Variants in TENM2 observed in about 807,000 individuals in gnomAD.
TENM2 encodes teneurin transmembrane protein 2.
TENM2 carries 52 observed loss-of-function variants against 245.2 expected under a neutral mutation model. The ratio of observed to expected loss-of-function variants is 0.21; its 90% CI spans 0.17 to 0.27. The LOEUF is 0.27. Among genes scored for constraint, TENM2 ranks in the 10% least tolerant of loss-of-function variants. The pLI is 1.00. For missense variants in TENM2, 3,046 were observed against 3,666.8 expected (o/e 0.83, Z 4.37); for synonymous variants, 1,363 against 1,438.9 (o/e 0.95, Z 1.19).
intron 2 of TENM2, among the ~76,000 whole-genome samples, chr5:167,717,424 T>C (rs2150505807): frequency 6.6e-6 from 1 of 152,310 alleles, no homozygotes; most frequent in East Asian, 1.9e-4. Context: ...GTTGGACATG[T>C]TCTCAAGTAT....
chr5:167,353,259 G>C (rs1014688525), intron 1 of TENM2, among the ~76,000 whole-genome samples: 1 of 149,212 alleles, frequency 6.7e-6, no homozygotes, highest in Non-Finnish European at 1.5e-5. Flanking sequence ...CTATAAAAAA[G>C]GGATAAATGG....
chr5:168,248,314 A>G, exon 27 of TENM2: 1 of 1,614,018 alleles, frequency 6.2e-7, no homozygotes, highest in Non-Finnish European at 8.5e-7. Context: ...TAACCTGTAT[A>G]TGTTCAAGAG....
intron 23 of TENM2, among the ~76,000 whole-genome samples, chr5:168,223,225 C>T (rs1317420167): frequency 6.6e-6 from 1 of 152,182 alleles, no homozygotes; most frequent in Admixed American, 6.5e-5. Context: ...ATTCCTACTA[C>T]TTCTCTCATA....
chr5:167,639,363 T>C (rs1779413359), intron 2 of TENM2, among the ~76,000 whole-genome samples: 1 of 152,176 alleles, frequency 6.6e-6, no homozygotes, highest in South Asian at 2.1e-4. Flanking sequence ...TCAATACCCA[T>C]GAAGCAAATG....
At chr5:167,856,189 A>C (rs1771083587) in intron 2 of TENM2, among the ~76,000 whole-genome samples, 1 of 152,098 alleles carries the variant, frequency 6.6e-6, no homozygotes, top group African/African-American at 2.4e-5. Flanking sequence ...AAGTGGGAAC[A>C]CAGAGGCCAC....
the TENM2 span, among the ~76,000 whole-genome samples, chr5:167,188,510 C>T: frequency 6.6e-6 from 1 of 152,142 alleles, no homozygotes; most frequent in South Asian, 2.1e-4. Flanking sequence ...GGAAACCCTT[C>T]ACTCAGTATA....
intron 2 of TENM2, among the ~76,000 whole-genome samples, chr5:167,841,864 TTTGA>T (rs1302497388): frequency 2.6e-5 from 4 of 152,160 alleles, no homozygotes; most frequent in Non-Finnish European, 5.9e-5. Context: ...CTTTGTCTTT[TTTGA>T]TTGTTACATT....
chr5:168,246,742 C>A lies in TENM2; in HGVS notation c.5818-15C>A. On this transcript the variant is annotated splice_polypyrimidine_tract_variant and intron_variant, in intron 26 of 28. Transcript: ENST00000518659. The stretch of plus-strand genomic sequence containing the variant: ...AAGCCAACTGATATGTTCTGTTCCC[C>A]TTTCCTTTCTGCAGTCCATGGTCCT... The A allele has an allele frequency of 6.2e-7, 1 of 1,610,352 alleles. No individual in the cohort carries two copies. The highest frequency in any genetic ancestry group is 8.5e-7 in the Non-Finnish European group (1 of 1,177,276).
At chr5:167,677,849 C>T (rs529886456) in intron 2 of TENM2, among the ~76,000 whole-genome samples, 116 of 151,564 alleles carry the variant, frequency 7.7e-4, no homozygotes, top group Non-Finnish European at 1.3e-3. Context: ...ATTAATTTCT[C>T]TTCCCCAAAT....
the TENM2 span, among the ~76,000 whole-genome samples, chr5:167,071,877 C>CGGGG: frequency 8.8e-6 from 1 of 113,300 alleles, no homozygotes; most frequent in Non-Finnish European, 2.1e-5. Flanking sequence ...TTTGACAAAT[C>CGGGG]GCCCCCCCCC....
At chr5:168,115,004 A>T (rs1184702152) in intron 9 of TENM2, among the ~76,000 whole-genome samples, 2 of 152,092 alleles carry the variant, frequency 1.3e-5, no homozygotes, top group African/African-American at 4.8e-5. Context: ...GAATAAAGAA[A>T]ATAATTCGGT....
intron 2 of TENM2, among the ~76,000 whole-genome samples, chr5:167,674,533 G>A (rs1756181035): frequency 6.6e-6 from 1 of 151,962 alleles, no homozygotes; most frequent in Non-Finnish European, 1.5e-5. Context: ...TGCAGTAAAG[G>A]AAAATAATAA....
rs146602382 is a variant in TENM2 at position 168,258,273 on chromosome 5, G to A, written c.7433-2010G>A. Among the ~76,000 whole-genome samples, 1,412 of 152,104 alleles carry A rather than the reference G, an allele frequency of 9.3e-3. 23 individuals carry two copies. Among genetic ancestry groups the A allele is most frequent in the African/African-American group, 0.032 (1,347 of 41,474 alleles). ...TCCCAGCACTTTGGGAGGCCGAGGC[G>A]GGCAGATCACGAGGTCAAGATATGG... On this transcript the variant is annotated intron_variant, in intron 27 of 28. Transcript: ENST00000518659.
chr5:167,664,260 G>A (rs187748652), intron 2 of TENM2, among the ~76,000 whole-genome samples: 3 of 152,272 alleles, frequency 2.0e-5, no homozygotes, highest in African/African-American at 4.8e-5. Context: ...TTGGCCTGAG[G>A]ATAGGCCTGC....
At chr5:168,034,339 TAAA>T (rs5873085) in intron 5 of TENM2, among the ~76,000 whole-genome samples, 3 of 119,642 alleles carry the variant, frequency 2.5e-5, no homozygotes, top group Non-Finnish European at 5.3e-5. Flanking sequence ...AGACTCCGTC[TAAA>T]AAAAAAAAAA....
rs5873036 is a variant in TENM2, at chr5:167,454,452, CTGTGTGTG to C, written c.502+78996_502+79003del. Among the ~76,000 whole-genome samples the C allele has an allele frequency of 4.7e-5, 7 of 150,488 alleles. No homozygotes were observed. The East Asian group carries it at 7.9e-4, about 17-fold the overall frequency. On this transcript the variant is annotated intron_variant, in intron 2 of 28. Transcript: ENST00000518659. ...AAAAAAATAATGGCACTAGAAATAA[CTGTGTGTG>C]TGTGTGTGTGTGTGTGCATGTGCAC...
At chr5:167,303,638 CAG>C (rs1491531116) in intron 1 of TENM2, among the ~76,000 whole-genome samples, 19 of 152,136 alleles carry the variant, frequency 1.2e-4, no homozygotes, top group African/African-American at 4.6e-4. Context: ...CTGCAGGTCA[CAG>C]GGGATATGAT....
the TENM2 span, among the ~76,000 whole-genome samples, chr5:167,110,716 A>T: frequency 1.3e-5 from 2 of 152,102 alleles, no homozygotes; most frequent in Admixed American, 6.6e-5. Context: ...CTTATGTGGG[A>T]TCTTCAGTGT....
At chr5:167,368,761 C>T (rs1320747478) in intron 1 of TENM2, among the ~76,000 whole-genome samples, 3 of 152,162 alleles carry the variant, frequency 2.0e-5, no homozygotes, top group South Asian at 2.1e-4. Flanking sequence ...GCTGCTTCGT[C>T]GCGGCAGGGC....
Sources: gnomAD v4.1 joint callset for allele counts (sites outside exome capture counted in the v4.1 genomes callset) on GRCh38, gnomAD v4.1.1 for gene constraint, MANE v1.5 for transcripts, NCBI Gene and HGNC (gene_info 2026-07-23, HGNC 2026-07-21) for gene names.